Variants in GOLM1 observed in about 807,000 individuals in gnomAD.
The protein encoded by GOLM1 is golgi membrane protein 1.
Under a neutral mutation model 50.5 loss-of-function variants are expected in GOLM1, and 31 were observed. That is an observed-to-expected ratio of 0.61 (90% confidence interval 0.46 to 0.83). The LOEUF (loss-of-function observed/expected upper bound fraction) is 0.83. Ranked by LOEUF, GOLM1 falls within the 40% of genes least tolerant of loss-of-function variation. The pLI, the probability that GOLM1 is intolerant of heterozygous loss-of-function variation, is 0.00. For missense variants in GOLM1, 491 were observed against 501.3 expected (o/e 0.98, Z 0.20); for synonymous variants, 178 against 192.8 (o/e 0.92, Z 0.64).
chr9:86,055,116 G>A (rs1207768715), intron 3 of GOLM1, among the ~76,000 whole-genome samples: 1 of 152,208 alleles, frequency 6.6e-6, no homozygotes. Context: ...TATGAACACA[G>A]GGATGCATGC....
intron 3 of GOLM1, among the ~76,000 whole-genome samples, chr9:86,071,675 A>G (rs577959956): frequency 7.2e-5 from 11 of 152,282 alleles, no homozygotes; most frequent in Non-Finnish European, 1.5e-4. Flanking sequence ...TCTGTCTCAA[A>G]AAGAAAAAAA....
At chr9:86,057,564 A>G (rs546122371) in intron 3 of GOLM1, among the ~76,000 whole-genome samples, 100 of 152,228 alleles carry the variant, frequency 6.6e-4, no homozygotes, top group African/African-American at 2.2e-3. Context: ...CTCCCAGGAG[A>G]GGCCTCACAT....
At chr9:86,080,133 ACATT>A (rs1236409109) in intron 1 of GOLM1, 1 of 152,238 alleles carries the variant, frequency 6.6e-6, no homozygotes, top group Non-Finnish European at 1.5e-5. Context: ...CTTCTTTCGA[ACATT>A]CATTTCTCAC....
chr9:86,097,731 A>C (rs1043402001), intron 1 of GOLM1, among the ~76,000 whole-genome samples: 2 of 152,094 alleles, frequency 1.3e-5, no homozygotes, highest in Non-Finnish European at 2.9e-5. Flanking sequence ...TGCCCTCTGT[A>C]CTTCCAATGC....
At chr9:86,050,816 T>C (rs1218248627) in intron 4 of GOLM1, among the ~76,000 whole-genome samples, 2 of 152,194 alleles carry the variant, frequency 1.3e-5, no homozygotes, top group Admixed American at 6.5e-5. Context: ...AAAAACCAGC[T>C]CCTGGATTCA....
chr9:86,038,067 T>C (rs1446165075), intron 6 of GOLM1, among the ~76,000 whole-genome samples: 4 of 151,618 alleles, frequency 2.6e-5, no homozygotes, highest in South Asian at 2.1e-4. Context: ...GGCAGGAGAA[T>C]TGCTTCAACC....
chr9:86,046,559 G>C lies in GOLM1; in HGVS notation c.378C>G (p.Thr126=), dbSNP rs757813183. The C allele has an allele frequency of 6.2e-7, 1 of 1,609,136 alleles. No homozygotes were observed. The highest frequency in any genetic ancestry group is 8.5e-7 in the Non-Finnish European group (1 of 1,176,258). Residue 126 remains threonine, a synonymous_variant, in exon 5 of 10, where the codon ACC becomes ACG. Coordinates refer to ENST00000388712, the MANE Select transcript of GOLM1 (RefSeq NM_016548.4). ...GCAGCCTGCCGTAATTCCTCTGCAG[G>C]GTCTTTAACTGGTCTACACCAAGGG... ...LIRVLQDQLK[T]LQRNYGRLQQ...
chr9:86,099,741 C>T (rs545971905), upstream of GOLM1, among the ~76,000 whole-genome samples: 19 of 152,102 alleles, frequency 1.2e-4, no homozygotes, highest in African/African-American at 4.3e-4. Flanking sequence ...CAGCGTGCGC[C>T]CAGTTCTCGC....
At chr9:86,068,142 G>A (rs1269147273) in intron 3 of GOLM1, among the ~76,000 whole-genome samples, 4 of 152,104 alleles carry the variant, frequency 2.6e-5, no homozygotes, top group Non-Finnish European at 1.5e-5. Context: ...GAGAAGAGGC[G>A]AAAAGAAAGA....
intron 3 of GOLM1, among the ~76,000 whole-genome samples, chr9:86,054,095 G>C (rs1564347921): frequency 6.6e-6 from 1 of 152,148 alleles, no homozygotes; most frequent in Non-Finnish European, 1.5e-5. Context: ...ACCATGCTGG[G>C]AAAGTCAACA....
chr9:86,063,533 GA>G (rs1478543800), intron 3 of GOLM1, among the ~76,000 whole-genome samples: 4 of 152,196 alleles, frequency 2.6e-5, no homozygotes, highest in Non-Finnish European at 5.9e-5. Context: ...GCACCTAACA[GA>G]CCCTACTTAC....
At chr9:86,067,634 C>T (rs141359380) in intron 3 of GOLM1, among the ~76,000 whole-genome samples, 2 of 152,220 alleles carry the variant, frequency 1.3e-5, no homozygotes, top group Non-Finnish European at 2.9e-5. Flanking sequence ...CAAAAGGGGC[C>T]GTCGGTTGAA....
chr9:86,045,674 GA>G (rs1174542328), intron 5 of GOLM1, among the ~76,000 whole-genome samples: 2,282 of 94,216 alleles, frequency 0.024, 46 homozygotes, highest in African/African-American at 0.059. Context: ...CTCCGCTCAA[GA>G]AAAAAAAAAA....
intron 1 of GOLM1, among the ~76,000 whole-genome samples, chr9:86,081,268 C>T (rs1834776207): frequency 6.6e-6 from 1 of 150,492 alleles, no homozygotes; most frequent in South Asian, 2.1e-4. Context: ...GTGATCTCAG[C>T]TCACTACAAC....
At position 86,046,542 on chromosome 9, in the gene GOLM1, C is replaced by A. The variant is rs1055307616; in HGVS notation, c.395G>T (p.Gly132Val). The A allele has an allele frequency of 6.2e-7, 1 of 1,612,654 alleles. No homozygotes were observed. Among genetic ancestry groups the A allele is most frequent in the Non-Finnish European group, 8.5e-7 (1 of 1,178,920 alleles). Residue 132 changes from glycine (G) to valine (V), a missense_variant, in exon 5 of 10, where the codon GGC becomes GTC. Physicochemically the swap from Gly to Val is moderately radical, Grantham distance 109. Transcript: ENST00000388712. ...DQLKTLQRNY[G>V]RLQQDVLQFQ... is the part of the protein sequence containing the mutation. ...CTGGAGGACATCCTGCTGCAGCCTG[C>A]CGTAATTCCTCTGCAGGGTCTTTAA...
intron 2 of GOLM1, among the ~76,000 whole-genome samples, chr9:86,078,202 G>A (rs1029570506): frequency 6.6e-6 from 1 of 152,206 alleles, no homozygotes; most frequent in Non-Finnish European, 1.5e-5. Flanking sequence ...GGAAAGTCAA[G>A]TCCCAGCCTT....
At chr9:86,081,918 A>G (rs920976032) in intron 1 of GOLM1, among the ~76,000 whole-genome samples, 5 of 150,048 alleles carry the variant, frequency 3.3e-5, no homozygotes, top group Non-Finnish European at 7.4e-5. Flanking sequence ...GATAAATTAC[A>G]TCCCCCTCAT....
chr9:86,027,660 TTTTTCCTACACA>T lies in GOLM1; in HGVS notation c.*145_*156del. The T allele has an allele frequency of 7.1e-7, 1 of 1,403,552 alleles. No homozygotes were observed. The highest frequency in any genetic ancestry group is 2.7e-5 in the East Asian group (1 of 37,002). 86.9% of individuals were successfully genotyped at this position (1,403,552 alleles called of 1,614,324 possible). On this transcript the variant is annotated 3_prime_UTR_variant, in exon 10 of 10. Transcript: ENST00000388712. ...AAAGCTGTTTAAAAGACCATTCCAT[TTTTTCCTACACA>T]AAGTGCATACTAAAATTTCACAATA...
intron 3 of GOLM1, among the ~76,000 whole-genome samples, chr9:86,054,580 A>G (rs1833931725): frequency 6.6e-6 from 1 of 152,150 alleles, no homozygotes; most frequent in African/African-American, 2.4e-5. Context: ...CATTTTAGGA[A>G]AAGGGAAACG....
Sources: allele counts gnomAD v4.1 joint callset (sites outside exome capture counted in the v4.1 genomes callset), GRCh38; gene constraint gnomAD v4.1.1; transcripts MANE v1.5; gene names NCBI Gene and HGNC (gene_info 2026-07-23, HGNC 2026-07-21).